SNX31: variants seen among roughly 807,000 people sequenced by gnomAD.
SNX31 encodes sorting nexin-31.
In SNX31, 58 loss-of-function variants were observed where a neutral mutation model predicts 65.4. The observed-to-expected ratio is 0.89, with a 90% CI of 0.72 to 1.10. SNX31 has a LOEUF of 1.10. Among genes scored for constraint, SNX31 ranks in the 50% least tolerant of loss-of-function variants. SNX31 has a pLI of 0.00. For synonymous variants in SNX31, 181 were observed against 190.1 expected (o/e 0.95, Z 0.39); for missense variants, 523 against 529.7 (o/e 0.99, Z 0.12).
intron 1 of SNX31, among the ~76,000 whole-genome samples, chr8:100,658,675 G>T (rs1809711385): frequency 6.6e-6 from 1 of 152,228 alleles, no homozygotes; most frequent in South Asian, 2.1e-4. Flanking sequence ...AAGTCCCACA[G>T]CCAGGATTTG....
At chr8:100,644,725 T>G (rs1819509377) in intron 2 of SNX31, among the ~76,000 whole-genome samples, 3 of 152,216 alleles carry the variant, frequency 2.0e-5, no homozygotes, top group Admixed American at 2.0e-4. Flanking sequence ...AGTGCAGTGG[T>G]GGGATCTCAG....
intron 12 of SNX31, among the ~76,000 whole-genome samples, chr8:100,581,343 A>C (rs953104140): frequency 8.2e-5 from 12 of 146,316 alleles, no homozygotes; most frequent in South Asian, 2.1e-4. Context: ...CTATCTATAT[A>C]TATATATATA....
At chr8:100,585,524 C>A (rs1226650477) in intron 11 of SNX31, among the ~76,000 whole-genome samples, 1 of 151,848 alleles carries the variant, frequency 6.6e-6, no homozygotes, top group Non-Finnish European at 1.5e-5. Context: ...TCAATGTCTT[C>A]CAGGGGTGTA....
At chr8:100,627,449 C>T (rs1818117974) in intron 4 of SNX31, among the ~76,000 whole-genome samples, 1 of 152,156 alleles carries the variant, frequency 6.6e-6, no homozygotes, top group Non-Finnish European at 1.5e-5. Context: ...AGAATGCACC[C>T]CAAAAAGACG....
chr8:100,597,906 T>C (rs1290886732), intron 9 of SNX31, among the ~76,000 whole-genome samples: 3 of 152,356 alleles, frequency 2.0e-5, no homozygotes, highest in Admixed American at 2.0e-4. Flanking sequence ...TCCACTCTGT[T>C]CTTCCAGCTT....
intron 11 of SNX31, among the ~76,000 whole-genome samples, chr8:100,586,339 C>A (rs1412994982): frequency 2.0e-5 from 3 of 152,204 alleles, no homozygotes; most frequent in South Asian, 2.1e-4. Flanking sequence ...TGAGTGTGTA[C>A]AACTATTATA....
intron 12 of SNX31, among the ~76,000 whole-genome samples, chr8:100,581,132 C>CAA (rs60802013): frequency 0.13 from 10,482 of 79,450 alleles, 486 homozygotes; most frequent in African/African-American, 0.19. Context: ...CTTACCTCTA[C>CAA]AAAAAAAAAA....
At chr8:100,579,173 G>A (rs1379436587) in intron 12 of SNX31, among the ~76,000 whole-genome samples, 1 of 152,102 alleles carries the variant, frequency 6.6e-6, no homozygotes. Context: ...AGAGCTTGGA[G>A]GAAAATTCTC....
chr8:100,603,926 C>G (rs569603857), intron 8 of SNX31, among the ~76,000 whole-genome samples: 1 of 151,920 alleles, frequency 6.6e-6, no homozygotes, highest in Non-Finnish European at 1.5e-5. Flanking sequence ...TTAGTAGAGA[C>G]GGGGGTTCAC....
intron 2 of SNX31, among the ~76,000 whole-genome samples, chr8:100,637,944 C>T (rs995458913): frequency 1.3e-5 from 2 of 152,198 alleles, no homozygotes; most frequent in Non-Finnish European, 2.9e-5. Flanking sequence ...GATCTGGCTG[C>T]CTCGGCCTCC....
At chr8:100,659,780 A>G (rs1471350045) in intron 1 of SNX31, among the ~76,000 whole-genome samples, 1 of 152,180 alleles carries the variant, frequency 6.6e-6, no homozygotes, top group Non-Finnish European at 1.5e-5. Flanking sequence ...ATTTTAGTTT[A>G]TATCTTTCCA....
chr8:100,620,614 T>C (rs1021135261), intron 4 of SNX31, among the ~76,000 whole-genome samples: 1 of 152,232 alleles, frequency 6.6e-6, no homozygotes. Context: ...GCTGTGTATA[T>C]AGCACATCAT....
upstream of SNX31, among the ~76,000 whole-genome samples, chr8:100,652,164 G>C (rs539056171): frequency 8.5e-5 from 13 of 152,164 alleles, no homozygotes; most frequent in African/African-American, 2.9e-4. Context: ...ATTTTTAGTA[G>C]AGACGGGGTT....
chr8:100,645,606 A>ATTTTTT (rs10598981), intron 2 of SNX31, among the ~76,000 whole-genome samples: 5 of 106,724 alleles, frequency 4.7e-5, no homozygotes, highest in African/African-American at 2.0e-4. Flanking sequence ...CAGACTCTTC[A>ATTTTTT]TTTTTTTTTT....
At chr8:100,635,142 C>T (rs903452411) in intron 3 of SNX31, among the ~76,000 whole-genome samples, 1 of 151,416 alleles carries the variant, frequency 6.6e-6, no homozygotes, top group Admixed American at 6.6e-5. Flanking sequence ...AATTCTAACA[C>T]TTTAGGAAGC....
intron 12 of SNX31, among the ~76,000 whole-genome samples, chr8:100,583,424 A>G (rs1813738021): frequency 6.6e-6 from 1 of 150,774 alleles, no homozygotes; most frequent in East Asian, 2.0e-4. Flanking sequence ...GGTATTTCTA[A>G]TCATTTAAAA....
chr8:100,656,194 C>T (rs1820049914), intron 1 of SNX31, among the ~76,000 whole-genome samples: 1 of 152,150 alleles, frequency 6.6e-6, no homozygotes, highest in East Asian at 1.9e-4. Context: ...AGGGCAGTGT[C>T]AAAAAGGATG....
chr8:100,653,495 G>C (rs1820008077), upstream of SNX31, among the ~76,000 whole-genome samples: 1 of 152,190 alleles, frequency 6.6e-6, no homozygotes, highest in South Asian at 2.1e-4. Flanking sequence ...AGACACAGAG[G>C]AGAAGGCCAC....
Position 100,660,106 on chromosome 8 carries a change from G to A in SNX31, c.-58+3036C>T, listed in dbSNP as rs1188679499. Among the ~76,000 whole-genome samples, 1 of 152,156 alleles carries A rather than the reference G, an allele frequency of 6.6e-6. No homozygotes were observed. The highest frequency in any genetic ancestry group is 2.4e-5 in the African/African-American group (1 of 41,446). ...TGAAAGTAAATTATGCCAGTGAAAT[G>A]ATTTTGCTCAAATTATATATCAGTT... On this transcript the variant is annotated intron_variant, in intron 1 of 5. Transcript: ENST00000520352. This position sits in a 1 kb window ranked among gnomAD's most constrained non-coding sequence, Gnocchi z 4.1.
Sources: allele counts gnomAD v4.1 joint callset (sites outside exome capture counted in the v4.1 genomes callset), GRCh38; gene constraint gnomAD v4.1.1; non-coding constraint Gnocchi (gnomAD v3.1); transcripts MANE v1.5; gene names NCBI Gene and HGNC (gene_info 2026-07-23, HGNC 2026-07-21).